Variants in ORC4 observed in about 807,000 individuals in gnomAD.
ORC4 encodes origin recognition complex, subunit 4 homolog.
ORC4 carries 55 observed loss-of-function variants against 63.9 expected under a neutral mutation model. The observed-to-expected ratio is 0.86, with a 90% CI of 0.69 to 1.08. The LOEUF (loss-of-function observed/expected upper bound fraction) is 1.08, where lower values mean the gene tolerates loss of function less well. Ranked by LOEUF, ORC4 falls within the 50% of genes least tolerant of loss-of-function variation. The pLI is 0.00. For synonymous variants in ORC4, 150 were observed against 168.5 expected, an observed-to-expected ratio of 0.89 and a Z score of 0.85; for missense variants, 511 against 504.4, an observed-to-expected ratio of 1.01 and a Z score of -0.13.
intron 1 of ORC4, among the ~76,000 whole-genome samples, chr2:147,994,472 T>C (rs1047601341): frequency 1.3e-5 from 2 of 152,262 alleles, no homozygotes; most frequent in African/African-American, 4.8e-5. Context: ...ATCAATACAG[T>C]GTGATAATGG....
At chr2:147,993,876 T>C (rs1333982504) in intron 1 of ORC4, among the ~76,000 whole-genome samples, 1 of 152,214 alleles carries the variant, frequency 6.6e-6, no homozygotes, top group Non-Finnish European at 1.5e-5. Flanking sequence ...ATACACTGTT[T>C]TATTATATTT....
In ORC4 at chr2:147,935,626, ACT is replaced by A. The variant is rs750693936; in HGVS notation, c.1193_1194del (p.Glu398ValfsTer10). The A allele has an allele frequency of 3.1e-6, 5 of 1,613,266 alleles. No homozygotes were observed. The Admixed American group carries it at 5.0e-5, about 16-fold the overall frequency. On this transcript the variant is annotated frameshift_variant, in exon 14 of 14. Transcript: ENST00000392857. LOFTEE classifies it high-confidence loss of function. ...TCCAAAAGCAGTTTCATCAGCTGGT[ACT>A]CTCTCTGTGAATTTCCTGAAGTTCT... Reference protein sequence around the residue: ...MERTSGNSQREYQLMKLLLDN... With the variant: ...MERTSGNSQRXYQLMKLLLDN...
At chr2:148,005,106 C>T (rs1345010947) in intron 1 of ORC4, among the ~76,000 whole-genome samples, 3 of 152,118 alleles carry the variant, frequency 2.0e-5, no homozygotes, top group Admixed American at 6.5e-5. Context: ...CACATGCATA[C>T]GTATGTTTAT....
At chr2:147,956,247 T>A (rs1205230073) in intron 6 of ORC4, among the ~76,000 whole-genome samples, 1 of 152,078 alleles carries the variant, frequency 6.6e-6, no homozygotes, top group African/African-American at 2.4e-5. Context: ...TTTAAAACTT[T>A]CACATATTGT....
intron 1 of ORC4, among the ~76,000 whole-genome samples, chr2:148,015,789 G>C (rs1053617302): frequency 3.3e-5 from 5 of 152,090 alleles, no homozygotes; most frequent in African/African-American, 1.2e-4. Flanking sequence ...TTCAAAGTGG[G>C]TCGTAAAACA....
chr2:147,947,097 C>T (rs946126888), intron 9 of ORC4, among the ~76,000 whole-genome samples: 14 of 151,906 alleles, frequency 9.2e-5, no homozygotes, highest in African/African-American at 2.2e-4. Context: ...TAAAAATTCA[C>T]GGTAAAAATA....
At chr2:148,021,473 T>C, upstream of ORC4, 1 of 577,972 alleles carries the variant, frequency 1.7e-6, no homozygotes, top group Non-Finnish European at 3.3e-6. Flanking sequence ...TTGCTGCTGC[T>C]GCTGCTGTTG....
chr2:147,985,471 C>T (rs1691148635), intron 1 of ORC4, among the ~76,000 whole-genome samples: 1 of 152,224 alleles, frequency 6.6e-6, no homozygotes. Context: ...GCTGGGATTA[C>T]AGGCGTGAGC....
At chr2:147,938,825 T>G (rs1688204958) in intron 11 of ORC4, among the ~76,000 whole-genome samples, 1 of 152,232 alleles carries the variant, frequency 6.6e-6, no homozygotes, top group Middle Eastern at 3.4e-3. Context: ...TTCATTACAT[T>G]TGGAAAAGGA....
intron 1 of ORC4, 89 bp downstream of exon 1, chr2:148,020,544 C>G (rs979588913): frequency 1.3e-5 from 2 of 152,640 alleles, no homozygotes; most frequent in Admixed American, 6.5e-5. Flanking sequence ...CTCCCACTTT[C>G]GATTCACCTT....
At chr2:147,935,772 C>G (rs1573737066) in intron 13 of ORC4, 74 bp from the exon 14 acceptor site, 2 of 1,316,994 alleles carry the variant, frequency 1.5e-6, no homozygotes, top group Non-Finnish European at 2.2e-6. Context: ...TCCCAGAGAA[C>G]AGTTAGCATT....
At chr2:147,940,964 A>C (rs1688333762) in intron 10 of ORC4, among the ~76,000 whole-genome samples, 1 of 152,154 alleles carries the variant, frequency 6.6e-6, no homozygotes, top group Admixed American at 6.6e-5. Flanking sequence ...CACATAAAAC[A>C]ACCAAGTATG....
chr2:148,007,176 A>G (rs897362565), intron 1 of ORC4, among the ~76,000 whole-genome samples: 9 of 152,168 alleles, frequency 5.9e-5, no homozygotes, highest in African/African-American at 2.2e-4. Context: ...AACAAACCCA[A>G]ACTGTGAAGA....
intron 9 of ORC4, among the ~76,000 whole-genome samples, chr2:147,947,289 A>G (rs980799100): frequency 3.3e-5 from 5 of 151,998 alleles, no homozygotes; most frequent in African/African-American, 1.2e-4. Flanking sequence ...CGAGGCCAAT[A>G]TTTTTTGAGA....
chr2:147,987,598 C>A (rs899045467), intron 1 of ORC4, among the ~76,000 whole-genome samples: 1 of 150,668 alleles, frequency 6.6e-6, no homozygotes, highest in Non-Finnish European at 1.5e-5. Flanking sequence ...ACTGTGTACC[C>A]AAAAAAAAGC....
In ORC4 at chr2:147,965,164, G is replaced by A. The variant is rs1220195525; in HGVS notation, c.226-6298C>T. Among the ~76,000 whole-genome samples, 8 of 152,074 alleles carry A rather than the reference G, an allele frequency of 5.3e-5. No homozygotes were observed. The South Asian group carries it at 1.5e-3, about 28-fold the overall frequency. On this transcript the variant is annotated intron_variant, in intron 4 of 13. Coordinates refer to ENST00000392857, the MANE Select transcript of ORC4 (RefSeq NM_181741.4). Reference sequence around the variant, plus strand: ...CGGATACATAAAGGAGAAAGAGAAAGGATCAAGCCTTATCACTACAGAGAG... The same window carrying A: ...CGGATACATAAAGGAGAAAGAGAAAAGATCAAGCCTTATCACTACAGAGAG...
intron 9 of ORC4, chr2:147,947,609 C>G (rs1040510359): frequency 6.5e-6 from 1 of 153,572 alleles, no homozygotes; most frequent in African/African-American, 2.4e-5. Flanking sequence ...CTCTTAAGGC[C>G]CAACAAAATA....
intron 10 of ORC4, among the ~76,000 whole-genome samples, chr2:147,941,361 T>TAAG (rs932673812): frequency 1.0e-3 from 154 of 152,190 alleles, no homozygotes; most frequent in African/African-American, 3.1e-3. Flanking sequence ...TATGTTTCTC[T>TAAG]AGTTACCTAA....
Position 147,973,482 on chromosome 2 carries a change from G to A in ORC4, c.100C>T (p.His34Tyr), listed in dbSNP as rs1205907476. 6.2e-7 allele frequency: 1 copy of A among 1,605,744 alleles called. No individual in the cohort carries two copies. The highest frequency in any genetic ancestry group is 8.5e-7 in the Non-Finnish European group (1 of 1,173,040). ...ACTTGCACTCCAAATAGGTTACTAT[G>A]TGGACTCTGACGACAAAATCTTTCA... ...LRERFCRQSP[H>Y]SNLFGVQVQY... Residue 34 changes from histidine (H) to tyrosine (Y), a missense_variant, in exon 3 of 14, where the codon CAT becomes TAT. Coordinates refer to ENST00000392857, the MANE Select transcript of ORC4 (RefSeq NM_181741.4).
Sources: gnomAD v4.1 joint callset for allele counts (sites outside exome capture counted in the v4.1 genomes callset) on GRCh38, gnomAD v4.1.1 for gene constraint, MANE v1.5 for transcripts, NCBI Gene and HGNC (gene_info 2026-07-23, HGNC 2026-07-21) for gene names.